SLC39A6: variants seen among roughly 807,000 people sequenced by gnomAD.
SLC39A6 encodes solute carrier family 39 member 6.
Under a neutral mutation model 63.5 loss-of-function variants are expected in SLC39A6, and 51 were observed. The observed-to-expected ratio is 0.80, with a 90% CI of 0.64 to 1.01. The LOEUF (loss-of-function observed/expected upper bound fraction) is 1.01, where lower values mean the gene tolerates loss of function less well. Among genes scored for constraint, SLC39A6 ranks in the 50% least tolerant of loss-of-function variants. SLC39A6 has a pLI of 0.00. For synonymous variants in SLC39A6, 318 were observed against 324.7 expected (o/e 0.98, Z 0.22); for missense variants, 805 against 927.8 (o/e 0.87, Z 1.72).
At chr18:36,116,804 C>T (rs762678376) in intron 5 of SLC39A6, 25 bp from the exon 6 acceptor site, 4 of 1,517,886 alleles carry the variant, frequency 2.6e-6, no homozygotes, top group African/African-American at 2.8e-5. Context: ...GAAAACAATA[C>T]TTTAAAACAG....
chr18:36,116,829 G>C (rs1244701462), intron 5 of SLC39A6, 50 bp from the exon 6 acceptor site: 1 of 1,330,650 alleles, frequency 7.5e-7, no homozygotes, highest in Non-Finnish European at 1.1e-6. Context: ...TTGTTTATAT[G>C]TACAGCTTTC....
chr18:36,121,726 G>A (rs115420814), intron 5 of SLC39A6, among the ~76,000 whole-genome samples: 1 of 152,146 alleles, frequency 6.6e-6, no homozygotes, highest in Admixed American at 6.6e-5. Flanking sequence ...AATAAATATT[G>A]ATAGTGTATC....
chr18:36,115,607 G>C (rs1444931539), intron 6 of SLC39A6, among the ~76,000 whole-genome samples: 2 of 152,134 alleles, frequency 1.3e-5, no homozygotes, highest in African/African-American at 2.4e-5. Context: ...AACAAGAGGA[G>C]GAATGCATGT....
chr18:36,128,646 G>T (rs981788771), intron 1 of SLC39A6, among the ~76,000 whole-genome samples: 1 of 152,162 alleles, frequency 6.6e-6, no homozygotes, highest in Non-Finnish European at 1.5e-5. Flanking sequence ...ACAGGGGACA[G>T]CTCCGAGCCT....
chr18:36,112,538 A>G lies in SLC39A6; in HGVS notation c.1887T>C (p.Ser629=), dbSNP rs545897215. The G allele has an allele frequency of 6.2e-7, 1 of 1,613,892 alleles. No individual in the cohort carries two copies. The highest frequency in any genetic ancestry group is 2.2e-5 in the East Asian group (1 of 44,844). Residue 629 remains serine (S), a synonymous_variant, in exon 8 of 10, where the codon TCT becomes TCC. Transcript: ENST00000269187. ...TEGLSSGLST[S]VAVFCHELPH... is the part of the protein sequence containing the mutation. ...GCAACTCATGACAGAACACAGCAAC[A>G]GAAGTACTTAAACCACTTGATAAGC... is the stretch of plus-strand genomic sequence containing the variant.
In SLC39A6 at chr18:36,108,815, C is replaced by A. The variant is rs539344450; in HGVS notation, c.*778G>T. On this transcript the variant is annotated 3_prime_UTR_variant, in exon 10 of 10. Coordinates refer to ENST00000269187, the MANE Select transcript of SLC39A6 (RefSeq NM_012319.4). Reference sequence around the variant, plus strand: ...TTGGTGATATATAACTTGGCAATAACCCAGTCTGGTGATACATAAAACTAC... The same window carrying A: ...TTGGTGATATATAACTTGGCAATAAACCAGTCTGGTGATACATAAAACTAC... 3.9e-5 allele frequency: 6 copies of A among 152,248 alleles called. No homozygotes were observed. In the East Asian group the frequency reaches 1.2e-3, roughly 29 times the overall value. 9.4% of individuals were successfully genotyped at this position (152,248 alleles called of 1,614,324 possible).
intron 1 of SLC39A6, among the ~76,000 whole-genome samples, chr18:36,127,682 A>G (rs964579677): frequency 1.3e-5 from 2 of 152,004 alleles, no homozygotes; most frequent in African/African-American, 2.4e-5. Context: ...CCTTTCCCCA[A>G]TCACAATCCT....
intron 1 of SLC39A6, among the ~76,000 whole-genome samples, chr18:36,127,930 T>C (rs139443336): frequency 1.1e-3 from 164 of 152,230 alleles, no homozygotes; most frequent in African/African-American, 3.7e-3. Context: ...GTGTATACTT[T>C]AAATACACAT....
intron 5 of SLC39A6, among the ~76,000 whole-genome samples, chr18:36,120,355 CTTGA>C (rs1173655681): frequency 6.6e-6 from 1 of 152,100 alleles, no homozygotes; most frequent in Admixed American, 6.5e-5. Flanking sequence ...AGATGACTTC[CTTGA>C]TTAAGAATAA....
rs767726844 is a variant in SLC39A6 at position 36,109,577 on chromosome 18, A to C, written c.*16T>G. The C allele has an allele frequency of 1.8e-4, 287 of 1,591,676 alleles. No homozygotes were observed. The highest frequency in any genetic ancestry group is 2.4e-4 in the Non-Finnish European group (274 of 1,162,068). On this transcript the variant is annotated 3_prime_UTR_variant, in exon 10 of 10. Transcript: ENST00000269187. ...CTATGACAACTTTTTAAGCTACTCT[A>C]GCATTTAAACCTTAACTAGAAATTT...
rs776061018 is a variant in SLC39A6 at position 36,111,248 on chromosome 18, A to T, written c.1926T>A (p.Gly642=). ...CAGCCTTTAGTAGAACAGCAAAGTC[A>T]CCTTTAACAGAAAACAAAAAAGGAG... The part of the protein sequence containing the change: ...VFCHELPHEL[G]DFAVLLKAGM... The change falls in exon 9 of 10, where the codon GGT becomes GGA. Residue 642 remains glycine, a splice_region_variant and synonymous_variant. Coordinates refer to ENST00000269187, the MANE Select transcript of SLC39A6 (RefSeq NM_012319.4). 1 of 1,613,486 alleles carries T rather than the reference A, an allele frequency of 6.2e-7. No homozygotes were observed. Among genetic ancestry groups the T allele is most frequent in the East Asian group, 2.2e-5 (1 of 44,860 alleles).
chr18:36,123,718 A>G, intron 3 of SLC39A6, 54 bp from the exon 4 acceptor site: 2 of 1,515,986 alleles, frequency 1.3e-6, no homozygotes, highest in Non-Finnish European at 8.9e-7. Context: ...AATAAACTCT[A>G]CAAGAAAGAC....
At chr18:36,124,452 A>T in intron 3 of SLC39A6, 68 bp downstream of exon 3, 2 of 1,021,326 alleles carry the variant, frequency 2.0e-6, no homozygotes, top group Non-Finnish European at 2.8e-6. Context: ...GGCTGATGCA[A>T]ATCTAAGGAA....
rs1295924651 is a variant in SLC39A6 at position 36,109,756 on chromosome 18, A to C, written c.2116-11T>G. 1.3e-6 allele frequency: 2 copies of C among 1,586,868 alleles called. No homozygotes were observed. The highest frequency in any genetic ancestry group is 1.9e-5 in the Admixed American group (1 of 51,698). ...CAGCATTTCAGGTACCTTTAAAAAA[A>C]AGTAAGGGAAAATAAGAGTGACATT... On this transcript the variant is annotated splice_polypyrimidine_tract_variant and intron_variant, in intron 9 of 9. Coordinates refer to ENST00000269187, the MANE Select transcript of SLC39A6 (RefSeq NM_012319.4).
intron 9 of SLC39A6, among the ~76,000 whole-genome samples, chr18:36,110,623 C>T (rs2089293492): frequency 6.6e-6 from 1 of 152,046 alleles, no homozygotes; most frequent in Non-Finnish European, 1.5e-5. Flanking sequence ...ACTGCAACCT[C>T]CATCTCCTGG....
chr18:36,121,358 T>G (rs1006391447), intron 5 of SLC39A6, among the ~76,000 whole-genome samples: 4 of 152,154 alleles, frequency 2.6e-5, no homozygotes, highest in African/African-American at 9.7e-5. Flanking sequence ...GGTTTCACCA[T>G]GTTGGCCAGG....
At chr18:36,120,765 T>A (rs2089386789) in intron 5 of SLC39A6, among the ~76,000 whole-genome samples, 1 of 152,158 alleles carries the variant, frequency 6.6e-6, no homozygotes, top group Non-Finnish European at 1.5e-5. Flanking sequence ...AGTGCTAGGA[T>A]CATAGGCGTG....
chr18:36,118,896 AAGAAAGATGGAGAGGAATGGAG>A (rs2089369024), intron 5 of SLC39A6, among the ~76,000 whole-genome samples: 2 of 152,230 alleles, frequency 1.3e-5, no homozygotes, highest in Admixed American at 1.3e-4. Flanking sequence ...GAATGACAGC[AAGAAAGATGGAGAGGAATGGAG>A]AGACCATGGA....
intron 6 of SLC39A6, 63 bp downstream of exon 6, chr18:36,116,611 T>C (rs141014911): frequency 9.2e-5 from 104 of 1,130,588 alleles, no homozygotes; most frequent in African/African-American, 8.3e-4. Flanking sequence ...GATAGTCAAG[T>C]TGCCTGCAAA....
Sources: allele counts gnomAD v4.1 joint callset (sites outside exome capture counted in the v4.1 genomes callset), GRCh38; gene constraint gnomAD v4.1.1; transcripts MANE v1.5; gene names NCBI Gene and HGNC (gene_info 2026-07-23, HGNC 2026-07-21).